Variants in CDK13 observed in about 807,000 individuals in gnomAD.
CDK13 encodes the protein cyclin dependent kinase 13, also known as cyclin-dependent kinase 13.
CDK13 carries 40 observed loss-of-function variants against 137.6 expected under a neutral mutation model. The observed-to-expected ratio is 0.29, with a 90% CI of 0.23 to 0.38. The LOEUF (loss-of-function observed/expected upper bound fraction) is 0.38. Ranked by LOEUF, CDK13 falls within the 10% of genes least tolerant of loss-of-function variation. CDK13 has a pLI of 1.00. For missense variants in CDK13, 1,704 were observed against 1,951.8 expected (o/e 0.87, Z 2.39); for synonymous variants, 869 against 760.1 (o/e 1.14, Z -2.36).
chr7:40,040,390 G>T (rs1785580175), intron 5 of CDK13, among the ~76,000 whole-genome samples: 1 of 152,130 alleles, frequency 6.6e-6, no homozygotes, highest in South Asian at 2.1e-4. Context: ...TTTATTTCAT[G>T]TTTATTTACC....
chr7:40,092,752 T>C, intron 12 of CDK13, 33 bp from the exon 13 acceptor site: 2 of 1,534,898 alleles, frequency 1.3e-6, no homozygotes, highest in South Asian at 1.1e-5. Flanking sequence ...CTGTGAATTA[T>C]GACAGTTCTA....
intron 1 of CDK13, chr7:39,952,083 G>C (rs1161904084): frequency 7.6e-6 from 3 of 395,992 alleles, no homozygotes; most frequent in Non-Finnish European, 1.3e-5. Context: ...AGCTGTGGCA[G>C]GGAAGATTTC....
chr7:39,961,634 C>CT (rs35062975), intron 1 of CDK13, among the ~76,000 whole-genome samples: 58,445 of 147,164 alleles, frequency 0.4, 11,744 homozygotes, highest in Middle Eastern at 0.58. Flanking sequence ...TAATTTACTT[C>CT]TTTTTTTTTT....
chr7:39,952,387 ATTC>A (rs1787255203), intron 1 of CDK13: 1 of 152,196 alleles, frequency 6.6e-6, no homozygotes, highest in African/African-American at 2.4e-5. Flanking sequence ...TGTAAAGTTT[ATTC>A]TTTTAGTATG....
rs1386702955 is a variant in CDK13, at chr7:40,062,881, C to T, written c.2656C>T (p.Leu886=). Residue 886 remains leucine, a synonymous_variant, in exon 8 of 14, where the codon CTG becomes TTG. Coordinates refer to ENST00000181839, the MANE Select transcript of CDK13 (RefSeq NM_003718.5). The stretch of plus-strand genomic sequence containing the variant: ...ATGGTACCGTCCACCTGAACTGCTA[C>T]TGGGAGAAGAACGATACACACCAGC... The part of the protein sequence containing the change: ...TLWYRPPELL[L]GEERYTPAID... The T allele has an allele frequency of 2.5e-6, 4 of 1,613,854 alleles. No homozygotes were observed. Among genetic ancestry groups the T allele is most frequent in the Non-Finnish European group, 3.4e-6 (4 of 1,179,884 alleles).
intron 9 of CDK13, among the ~76,000 whole-genome samples, chr7:40,068,900 A>G: frequency 1.3e-5 from 2 of 152,116 alleles, no homozygotes; most frequent in Middle Eastern, 6.8e-3. Flanking sequence ...TAGTTTATAT[A>G]TTTCAGCATG....
At chr7:40,002,242 A>G (rs908738522) in intron 5 of CDK13, 2 of 376,874 alleles carry the variant, frequency 5.3e-6, no homozygotes, top group African/African-American at 4.2e-5. Context: ...TGCCAATATT[A>G]CACATAAAGT....
rs964643843 is a variant in CDK13 at position 39,950,487 on chromosome 7, CG to C, written c.-154del. On this transcript the variant is annotated 5_prime_UTR_variant, in exon 1 of 14. Transcript: ENST00000181839. ...CACTGTGACCTGGAACCCAGGGACCCGAGTCCCGACCCGGATTATCGTGGCG... is the reference window on the plus strand; with the variant it reads ...CACTGTGACCTGGAACCCAGGGACCCAGTCCCGACCCGGATTATCGTGGCG... 1.7e-4 allele frequency: 213 copies of C among 1,261,094 alleles called. No individual in the cohort carries two copies. Among genetic ancestry groups the C allele is most frequent in the Admixed American group, 8.0e-4 (19 of 23,752 alleles). The allele number at this position is 1,261,094 out of a possible 1,614,324, so 78.1% of individuals were successfully genotyped here. A position where few individuals can be genotyped will look rare whatever the true frequency, so the allele number is the denominator to read the frequency against.
chr7:39,997,173 T>G (rs941352357), intron 2 of CDK13, among the ~76,000 whole-genome samples: 1 of 152,120 alleles, frequency 6.6e-6, no homozygotes, highest in African/African-American at 2.4e-5. Flanking sequence ...GTACCCAGTT[T>G]CTTTACTGTT....
At chr7:40,063,291 A>G (rs1786196212) in intron 9 of CDK13, among the ~76,000 whole-genome samples, 191 bp downstream of exon 9, 1 of 152,152 alleles carries the variant, frequency 6.6e-6, no homozygotes, top group Non-Finnish European at 1.5e-5. Context: ...AAGGATATCA[A>G]AGCCCCTGGG....
chr7:40,043,234 T>C (rs1249335190), intron 5 of CDK13, among the ~76,000 whole-genome samples: 2 of 152,260 alleles, frequency 1.3e-5, no homozygotes, highest in Non-Finnish European at 2.9e-5. Flanking sequence ...AACACTATTT[T>C]ATCTATTCTT....
At chr7:39,983,178 T>A (rs1233380676) in intron 1 of CDK13, among the ~76,000 whole-genome samples, 1 of 152,228 alleles carries the variant, frequency 6.6e-6, no homozygotes, top group Non-Finnish European at 1.5e-5. Flanking sequence ...CTTTAATCCA[T>A]CTTGAATTAA....
At chr7:40,071,921 T>C (rs1347424283) in intron 9 of CDK13, 2 of 152,220 alleles carry the variant, frequency 1.3e-5, no homozygotes, top group African/African-American at 4.8e-5. Context: ...TTGTTAGTTT[T>C]CTTTGCCGGT....
Position 39,950,358 on chromosome 7 carries a change from G to T in CDK13, c.-284G>T. 8.4e-7 allele frequency: 1 copy of T among 1,192,334 alleles called. No individual in the cohort carries two copies. Among genetic ancestry groups the T allele is most frequent in the South Asian group, 4.2e-5 (1 of 23,742 alleles). 73.9% of individuals were successfully genotyped at this position (1,192,334 alleles called of 1,614,324 possible). A position where few individuals can be genotyped will look rare whatever the true frequency, so the allele number is the denominator to read the frequency against. The stretch of plus-strand genomic sequence containing the variant: ...GGACTCCCCCGCAGGTCAGCGCCCG[G>T]CGCATCTGGTGTTTTCGCTGCCGAG... On this transcript the variant is annotated 5_prime_UTR_variant, in exon 1 of 14. Transcript: ENST00000181839.
At chr7:40,089,353 T>C (rs1465126720) in intron 12 of CDK13, among the ~76,000 whole-genome samples, 1 of 150,710 alleles carries the variant, frequency 6.6e-6, no homozygotes, top group East Asian at 2.0e-4. Flanking sequence ...GGCACGATAA[T>C]TGCTTGAACC....
chr7:40,063,387 C>G (rs1436353093), intron 9 of CDK13, among the ~76,000 whole-genome samples: 1 of 151,718 alleles, frequency 6.6e-6, no homozygotes, highest in Non-Finnish European at 1.5e-5. Context: ...ATAAGACTGG[C>G]AAGGAAGAGT....
In CDK13 at chr7:40,088,191, G is replaced by A. The variant is rs1259628040; in HGVS notation, c.3095G>A (p.Gly1032Asp). ...SKKRRRQKQM[G>D]MTDDVSTIKA... ...AAGCGAAGAAGACAGAAGCAGATGG[G>A]CATGACTGATGATGTTTCCACAATT... Residue 1032 changes from glycine (G) to aspartate (D), a missense_variant, in exon 12 of 14, where the codon GGC becomes GAC. Around this residue, in one of 5 missense-constraint regions of CDK13, gnomAD observed 475 missense variants for 579.3 expected, o/e 0.82. Coordinates refer to ENST00000181839, the MANE Select transcript of CDK13 (RefSeq NM_003718.5). 1.2e-6 allele frequency: 2 copies of A among 1,613,890 alleles called. No individual in the cohort carries two copies.
At chr7:40,047,729 T>G (rs1785781171) in intron 6 of CDK13, 92 bp from the exon 7 acceptor site, 1 of 829,170 alleles carries the variant, frequency 1.2e-6, no homozygotes, top group Non-Finnish European at 2.0e-6. Flanking sequence ...AGGTTTTTTT[T>G]TTTTAATCAG....
At chr7:40,019,441 CTGGCAAGTCTGAAATTTGTAGGGGT>C (rs748582663) in intron 5 of CDK13, among the ~76,000 whole-genome samples, 6 of 152,124 alleles carry the variant, frequency 3.9e-5, no homozygotes, top group Non-Finnish European at 8.8e-5. Flanking sequence ...ATTGTAGGGG[CTGGCAAGTCTGAAATTTGTAGGGGT>C]GGCCAGCAGT....
Sources: gnomAD v4.1 joint callset for allele counts (sites outside exome capture counted in the v4.1 genomes callset) on GRCh38, gnomAD v4.1.1 for gene constraint, gnomAD v4.1.1 regional missense constraint, MANE v1.5 for transcripts, NCBI Gene and HGNC (gene_info 2026-07-23, HGNC 2026-07-21) for gene names.